Variants in HNF4G observed in about 807,000 individuals in gnomAD.
HNF4G encodes hepatocyte nuclear factor 4-gamma.
Under a neutral mutation model 50.9 loss-of-function variants are expected in HNF4G, and 21 were observed. That is an observed-to-expected ratio of 0.41 (90% CI 0.29 to 0.59). The LOEUF (loss-of-function observed/expected upper bound fraction) is 0.59, where lower values mean the gene tolerates loss of function less well. Among genes scored for constraint, HNF4G ranks in the 20% least tolerant of loss-of-function variants. HNF4G has a pLI of 0.26. For missense variants in HNF4G, 527 were observed against 559.4 expected (o/e 0.94, Z 0.58); for synonymous variants, 198 against 185.6 (o/e 1.07, Z -0.54).
intron 2 of HNF4G, among the ~76,000 whole-genome samples, chr8:75,515,535 C>G (rs945312075): frequency 1.3e-5 from 2 of 152,030 alleles, no homozygotes; most frequent in Non-Finnish European, 2.9e-5. Context: ...GTGATTTAGT[C>G]CAGTCTAAAG....
At chr8:75,552,430 T>G (rs1467901548) in intron 4 of HNF4G, among the ~76,000 whole-genome samples, 1 of 152,144 alleles carries the variant, frequency 6.6e-6, no homozygotes, top group Non-Finnish European at 1.5e-5. Flanking sequence ...ACTTATATTT[T>G]TATATAGTCT....
chr8:75,479,260 G>A (rs1238208407), intron 1 of HNF4G, among the ~76,000 whole-genome samples: 1 of 152,164 alleles, frequency 6.6e-6, no homozygotes, highest in Non-Finnish European at 1.5e-5. Context: ...AATTGCCCTT[G>A]AAGTTAGTGG....
intron 2 of HNF4G, among the ~76,000 whole-genome samples, chr8:75,526,295 A>C (rs2130756344): frequency 1.3e-5 from 2 of 152,028 alleles, no homozygotes; most frequent in African/African-American, 4.8e-5. Context: ...CACTGGGCTA[A>C]GTTCTGGGTT....
chr8:75,564,365 T>C lies in HNF4G; in HGVS notation c.*269T>C. The C allele has an allele frequency of 3.5e-6, 1 of 282,690 alleles. No individual in the cohort carries two copies. Among genetic ancestry groups the C allele is most frequent in the Non-Finnish European group, 6.6e-6 (1 of 151,260 alleles). 17.5% of individuals were successfully genotyped at this position (282,690 alleles called of 1,614,324 possible). A position where few individuals can be genotyped will look rare whatever the true frequency, so the allele number is the denominator to read the frequency against. Reference sequence around the variant, plus strand: ...GCCCCTGCATTGTGCCTGAACCAATTGAATCTTATGTATGAGTTTCATTTG... The same window carrying C: ...GCCCCTGCATTGTGCCTGAACCAATCGAATCTTATGTATGAGTTTCATTTG... On this transcript the variant is annotated 3_prime_UTR_variant, in exon 10 of 10. Transcript: ENST00000396423.
At chr8:75,425,827 G>T (rs1810880129) in intron 1 of HNF4G, among the ~76,000 whole-genome samples, 1 of 151,810 alleles carries the variant, frequency 6.6e-6, no homozygotes, top group African/African-American at 2.4e-5. Flanking sequence ...CCCGTTTTAG[G>T]CTATTACAAT....
intron 2 of HNF4G, among the ~76,000 whole-genome samples, chr8:75,512,699 C>T (rs142960304): frequency 2.2e-3 from 335 of 152,032 alleles, no homozygotes; most frequent in Non-Finnish European, 3.5e-3. Context: ...ATCCTGACCT[C>T]GAGATCCGCC....
At position 75,553,227 on chromosome 8, in the gene HNF4G, A is replaced by G. The variant is rs752351365; in HGVS notation, c.645+30A>G. 7.0e-6 allele frequency: 11 copies of G among 1,572,410 alleles called. 1 individual carries two copies. The South Asian group carries it at 1.0e-4, about 15-fold the overall frequency. On this transcript the variant is annotated intron_variant, in intron 5 of 9. Transcript: ENST00000396423. The stretch of plus-strand genomic sequence containing the variant: ...ACATTTAAAACTTTATAAATGCTTT[A>G]AAAATGCTTCTTGAACTTTGCTAAG...
In HNF4G at chr8:75,505,489, C is replaced by T. The variant is rs552683004; in HGVS notation, c.-24+15281C>T. Among the ~76,000 whole-genome samples the T allele has an allele frequency of 1.1e-4, 17 of 152,192 alleles. No individual in the cohort carries two copies. In the South Asian group the frequency reaches 3.5e-3, roughly 32 times the overall value. ...CACAAGACAAACAGTACAAAGGTCTCAAAAGTTTGGGACCTTAGATCCAGA... is the reference window on the plus strand; with the variant it reads ...CACAAGACAAACAGTACAAAGGTCTTAAAAGTTTGGGACCTTAGATCCAGA... On this transcript the variant is annotated intron_variant, in intron 2 of 10. Transcript: ENST00000354370.
rs577241753 is a variant in HNF4G, at chr8:75,438,206, G to T, written c.-144+30044G>T. Among the ~76,000 whole-genome samples the T allele has an allele frequency of 3.3e-5, 5 of 152,242 alleles. No individual in the cohort carries two copies. In the South Asian group the frequency reaches 8.3e-4, roughly 25 times the overall value. Reference sequence around the variant, plus strand: ...AACATATGCATATTTAAGAAATCATGAGTTCACTCTCATACCTCCAATTCT... The same window carrying T: ...AACATATGCATATTTAAGAAATCATTAGTTCACTCTCATACCTCCAATTCT... On this transcript the variant is annotated intron_variant, in intron 1 of 10. Transcript: ENST00000354370.
At chr8:75,505,951 T>G (rs1040031828) in intron 2 of HNF4G, among the ~76,000 whole-genome samples, 4 of 152,016 alleles carry the variant, frequency 2.6e-5, no homozygotes, top group Non-Finnish European at 5.9e-5. Flanking sequence ...AGAAATGACA[T>G]CTCTAGAGTT....
chr8:75,431,798 C>T (rs11779736), intron 1 of HNF4G, among the ~76,000 whole-genome samples: 8,893 of 151,736 alleles, frequency 0.059, 323 homozygotes, highest in Non-Finnish European at 0.078. Context: ...TTGTGTCAGG[C>T]GCCTGTAATC....
chr8:75,433,226 A>G (rs1811056307), intron 1 of HNF4G, among the ~76,000 whole-genome samples: 1 of 151,794 alleles, frequency 6.6e-6, no homozygotes, highest in Non-Finnish European at 1.5e-5. Flanking sequence ...ACATAGAAAG[A>G]CCCCATCTTT....
At chr8:75,426,114 G>T (rs1810885619) in intron 1 of HNF4G, among the ~76,000 whole-genome samples, 1 of 152,052 alleles carries the variant, frequency 6.6e-6, no homozygotes, top group South Asian at 2.1e-4. Flanking sequence ...CTTGCCTTTG[G>T]TCATTTCCTT....
intron 1 of HNF4G, among the ~76,000 whole-genome samples, chr8:75,422,119 A>G (rs145191846): frequency 6.6e-6 from 1 of 152,134 alleles, no homozygotes; most frequent in African/African-American, 2.4e-5. Flanking sequence ...CCTAGTGACT[A>G]TTCCATATAT....
At position 75,540,163 on chromosome 8, in the gene HNF4G, C is replaced by T. The variant is rs1330821074; in HGVS notation, c.118+83C>T. 8 of 797,986 alleles carry T rather than the reference C, an allele frequency of 1.0e-5. No individual in the cohort carries two copies. The Admixed American group carries it at 1.5e-4, about 15-fold the overall frequency. 49.4% of individuals were successfully genotyped at this position (797,986 alleles called of 1,614,324 possible). ...AAGACTGAGCTTCCAAAGGTGGTGG[C>T]TCAATGTTTTTTTTGCTGGAGAGTT... On this transcript the variant is annotated intron_variant, in intron 1 of 9. Coordinates refer to ENST00000396423, the MANE Select transcript of HNF4G (RefSeq NM_004133.5).
At chr8:75,552,068 AG>A (rs1295714089) in intron 4 of HNF4G, among the ~76,000 whole-genome samples, 4 of 152,210 alleles carry the variant, frequency 2.6e-5, no homozygotes, top group African/African-American at 9.6e-5. Context: ...TGTTGTATAA[AG>A]AAATCCTTAA....
chr8:75,548,138 T>C (rs894509064), intron 3 of HNF4G, among the ~76,000 whole-genome samples: 3 of 151,716 alleles, frequency 2.0e-5, no homozygotes, highest in Admixed American at 2.0e-4. Flanking sequence ...GTGCGCATCA[T>C]CACGCCTGGC....
chr8:75,433,577 A>G (rs1473148505), intron 1 of HNF4G, among the ~76,000 whole-genome samples: 1 of 151,634 alleles, frequency 6.6e-6, no homozygotes, highest in Non-Finnish European at 1.5e-5. Flanking sequence ...AGTAGTAGTA[A>G]TAGAGACAAG....
At chr8:75,495,301 G>A (rs1812739964) in intron 2 of HNF4G, 1 of 152,096 alleles carries the variant, frequency 6.6e-6, no homozygotes, top group Non-Finnish European at 1.5e-5. Context: ...ATATCCCCAT[G>A]TGATGGCATT....
Sources: allele counts gnomAD v4.1 joint callset (sites outside exome capture counted in the v4.1 genomes callset), GRCh38; gene constraint gnomAD v4.1.1; transcripts MANE v1.5; gene names NCBI Gene and HGNC (gene_info 2026-07-23, HGNC 2026-07-21).